The following ARHGAP26 variants were observed in gnomAD, a reference collection of about 807,000 sequenced individuals.
ARHGAP26 encodes the protein rho GTPase-activating protein 26.
A neutral mutation model predicts 104.8 loss-of-function variants in ARHGAP26; 38 were observed. The observed-to-expected ratio is 0.36, with a 90% CI of 0.28 to 0.48. The LOEUF (loss-of-function observed/expected upper bound fraction) is 0.48, where lower values mean the gene tolerates loss of function less well. Among genes scored for constraint, ARHGAP26 ranks in the 20% least tolerant of loss-of-function variants. The pLI is 0.99. For missense variants in ARHGAP26, 704 were observed against 947.9 expected (o/e 0.74, Z 3.38); for synonymous variants, 341 against 340.0 (o/e 1.00, Z -0.03).
chr5:143,110,191 C>T (rs1034969927), intron 17 of ARHGAP26, among the ~76,000 whole-genome samples: 1 of 152,206 alleles, frequency 6.6e-6, no homozygotes, highest in African/African-American at 2.4e-5. Flanking sequence ...TTCATGCTGG[C>T]TGTTTCATCA....
chr5:142,999,519 A>C (rs900008522), intron 11 of ARHGAP26, among the ~76,000 whole-genome samples: 3 of 152,142 alleles, frequency 2.0e-5, no homozygotes, highest in African/African-American at 7.2e-5. Context: ...TGAGTTTCAA[A>C]TCTAGGTTAT....
At chr5:143,207,999 G>T (rs186026656) in intron 21 of ARHGAP26, among the ~76,000 whole-genome samples, 7 of 152,224 alleles carry the variant, frequency 4.6e-5, no homozygotes, top group East Asian at 1.9e-4. Context: ...ATATACTCCC[G>T]AAACCATCCA....
rs139639308 is a variant in ARHGAP26, at chr5:142,930,644, C to T, written c.1029-1403C>T. Among the ~76,000 whole-genome samples the T allele has an allele frequency of 2.2e-4, 34 of 152,078 alleles. No individual in the cohort carries two copies. In the South Asian group the frequency reaches 6.7e-3, roughly 30 times the overall value. On this transcript the variant is annotated intron_variant, in intron 10 of 22. Transcript: ENST00000645722. ...TGTTTTCTCACTCCCTTCTCTTGCT[C>T]GTTTGCATGCTTTCCCTCTGTCTCT...
intron 1 of ARHGAP26, among the ~76,000 whole-genome samples, chr5:142,838,942 A>G (rs1016438195): frequency 5.9e-5 from 9 of 152,162 alleles, no homozygotes; most frequent in Non-Finnish European, 1.2e-4. Context: ...ATCATGACTT[A>G]TTTGGTCTAG....
At chr5:142,806,523 T>C (rs570994828) in intron 1 of ARHGAP26, among the ~76,000 whole-genome samples, 63 of 151,736 alleles carry the variant, frequency 4.2e-4, no homozygotes, top group Admixed American at 1.1e-3. Context: ...TTTAAGTTGG[T>C]TGTTGAAATT....
At chr5:143,116,935 C>T (rs1196000952) in intron 17 of ARHGAP26, among the ~76,000 whole-genome samples, 1 of 152,236 alleles carries the variant, frequency 6.6e-6, no homozygotes, top group Non-Finnish European at 1.5e-5. Context: ...TGCAGCCATT[C>T]TGATGATCAC....
Position 143,156,749 on chromosome 5 carries a change from T to C in ARHGAP26, c.1988+9368T>C, listed in dbSNP as rs3776265. On this transcript the variant is annotated intron_variant, in intron 20 of 22. Coordinates refer to ENST00000645722, the MANE Select transcript of ARHGAP26 (RefSeq NM_001135608.3). The stretch of plus-strand genomic sequence containing the variant: ...ATTGTCTGTGCAGTGATGACAGTAC[T>C]GGGGCTTAACTGAGCTCTGCCCGTG... 2.0e-3 allele frequency among the ~76,000 whole-genome samples: 299 copies of C among 152,340 alleles called. 9 individuals are homozygous for C. The East Asian group carries it at 0.05, about 26-fold the overall frequency.
intron 10 of ARHGAP26, among the ~76,000 whole-genome samples, chr5:142,914,259 G>T (rs1425244048): frequency 6.6e-6 from 1 of 152,230 alleles, no homozygotes; most frequent in East Asian, 1.9e-4. Context: ...GCTGGAGGCT[G>T]TTAGGCCTCC....
intron 11 of ARHGAP26, among the ~76,000 whole-genome samples, chr5:142,941,013 T>G (rs1258126035): frequency 7.6e-6 from 1 of 130,852 alleles, no homozygotes; most frequent in East Asian, 2.5e-4. Context: ...AGGCGGAGCT[T>G]GCAGTGAGCC....
In ARHGAP26 at chr5:143,065,780, A is replaced by G. The variant is rs1308555413; in HGVS notation, c.1538+8033A>G. ...ACCTCCCACCCTAGGGAGGCATGACACAAAATGGCATTCACACACGGATAC... is the reference window on the plus strand; with the variant it reads ...ACCTCCCACCCTAGGGAGGCATGACGCAAAATGGCATTCACACACGGATAC... On this transcript the variant is annotated intron_variant, in intron 17 of 22. Transcript: ENST00000645722. 2.6e-5 allele frequency among the ~76,000 whole-genome samples: 4 copies of G among 152,160 alleles called. No homozygotes were observed. The East Asian group carries it at 7.7e-4, about 29-fold the overall frequency.
In ARHGAP26 at chr5:142,993,665, G is replaced by A. The variant is rs555568997; in HGVS notation, c.1108-20415G>A. Reference sequence around the variant, plus strand: ...TTTTTTTTCTTTTTTTTGAGACAGGGCCTCGCTCTGTCACCCAGACTGGAG... The same window carrying A: ...TTTTTTTTCTTTTTTTTGAGACAGGACCTCGCTCTGTCACCCAGACTGGAG... On this transcript the variant is annotated intron_variant, in intron 11 of 22. Coordinates refer to ENST00000645722, the MANE Select transcript of ARHGAP26 (RefSeq NM_001135608.3). Among the ~76,000 whole-genome samples, 39 of 151,744 alleles carry A rather than the reference G, an allele frequency of 2.6e-4. 1 individual carries two copies. The highest frequency in any genetic ancestry group is 9.4e-4 in the African/African-American group (39 of 41,364).
rs1808712765 is a variant in ARHGAP26, at chr5:143,207,273, C to T, written c.2064C>T (p.Pro688=). 1.8e-5 allele frequency: 29 copies of T among 1,614,052 alleles called. No homozygotes were observed. The highest frequency in any genetic ancestry group is 2.4e-5 in the Non-Finnish European group (28 of 1,180,040). ...PMFSAPSSPM[P]TSSTSSDSSP... ...TCTCGGCGCCATCCAGCCCTATGCC[C>T]ACCTCATCCACGTCCAGCGACTCAT... Residue 688 remains proline, a synonymous_variant, in exon 21 of 23, where the codon CCC becomes CCT. Coordinates refer to ENST00000645722, the MANE Select transcript of ARHGAP26 (RefSeq NM_001135608.3).
intron 17 of ARHGAP26, among the ~76,000 whole-genome samples, chr5:143,110,644 A>C (rs965206209): frequency 6.6e-6 from 1 of 152,220 alleles, no homozygotes; most frequent in African/African-American, 2.4e-5. Flanking sequence ...TCAATAAATC[A>C]ATGATAATGA....
chr5:142,856,662 CT>C (rs373261819), intron 1 of ARHGAP26, among the ~76,000 whole-genome samples: 89 of 152,124 alleles, frequency 5.9e-4, no homozygotes, highest in African/African-American at 2.1e-3. Flanking sequence ...CATGTACAGA[CT>C]TTTTTTTCTT....
intron 11 of ARHGAP26, among the ~76,000 whole-genome samples, chr5:142,938,090 A>T (rs37222): frequency 0.28 from 42,744 of 152,040 alleles, 6,347 homozygotes; most frequent in South Asian, 0.53. Flanking sequence ...TTGAACAACG[A>T]GTATAGTCTA....
At chr5:143,152,518 C>A (rs1280783335) in intron 20 of ARHGAP26, among the ~76,000 whole-genome samples, 1 of 152,248 alleles carries the variant, frequency 6.6e-6, no homozygotes, top group African/African-American at 2.4e-5. Context: ...TATAATCTCA[C>A]AGCTGGCCTG....
At chr5:143,071,788 C>T (rs952900044) in intron 17 of ARHGAP26, among the ~76,000 whole-genome samples, 6 of 152,062 alleles carry the variant, frequency 3.9e-5, no homozygotes, top group Non-Finnish European at 8.8e-5. Flanking sequence ...CCTGTAATCC[C>T]CAGCCACTTG....
At chr5:142,936,622 A>G (rs1329812345) in intron 11 of ARHGAP26, among the ~76,000 whole-genome samples, 2 of 152,164 alleles carry the variant, frequency 1.3e-5, no homozygotes, top group African/African-American at 4.8e-5. Flanking sequence ...CTATTTTAAG[A>G]CTTTCTTTTT....
chr5:143,171,831 C>T (rs962721600), intron 20 of ARHGAP26, among the ~76,000 whole-genome samples: 6 of 152,182 alleles, frequency 3.9e-5, no homozygotes, highest in Non-Finnish European at 8.8e-5. Flanking sequence ...TTATCTCTGG[C>T]GTAGGCACAA....
Sources: gnomAD v4.1 joint callset for allele counts (sites outside exome capture counted in the v4.1 genomes callset) on GRCh38, gnomAD v4.1.1 for gene constraint, MANE v1.5 for transcripts, NCBI Gene and HGNC (gene_info 2026-07-23, HGNC 2026-07-21) for gene names.